IPO11: variants seen among roughly 807,000 people sequenced by gnomAD.
IPO11 encodes importin-11.
A neutral mutation model predicts 143.2 loss-of-function variants in IPO11; 66 were observed. The ratio of observed to expected loss-of-function variants is 0.46; its 90% CI spans 0.38 to 0.57. The LOEUF (loss-of-function observed/expected upper bound fraction) is 0.57, where lower values mean the gene tolerates loss of function less well. IPO11 is among the 20% of genes least tolerant of loss of function. The probability of loss-of-function intolerance (pLI) is 0.00; values close to 1 mark genes in which losing one functional copy is unlikely to be tolerated. For synonymous variants in IPO11, 385 were observed against 377.8 expected (o/e 1.02, Z -0.22); for missense variants, 1,026 against 1,141.0 (o/e 0.90, Z 1.45).
intron 20 of IPO11, among the ~76,000 whole-genome samples, chr5:62,522,772 C>A (rs1359634605): frequency 6.6e-6 from 1 of 152,182 alleles, no homozygotes; most frequent in Non-Finnish European, 1.5e-5. Context: ...TGTCTTGAAA[C>A]CATCTGTTTT....
chr5:62,594,658 T>G (rs1398342259), intron 28 of IPO11, among the ~76,000 whole-genome samples: 1 of 152,186 alleles, frequency 6.6e-6, no homozygotes, highest in Non-Finnish European at 1.5e-5. Flanking sequence ...CTCAGTCAAG[T>G]TGACACAAAA....
chr5:62,586,291 AAT>A, intron 27 of IPO11, among the ~76,000 whole-genome samples: 1 of 152,260 alleles, frequency 6.6e-6, no homozygotes, highest in South Asian at 2.1e-4. Context: ...TTCATGATAC[AAT>A]GTTATTCAAA....
chr5:62,522,504 C>G (rs1333469791), intron 20 of IPO11, among the ~76,000 whole-genome samples: 3 of 152,150 alleles, frequency 2.0e-5, no homozygotes, highest in Non-Finnish European at 4.4e-5. Flanking sequence ...GGGCTAGTCT[C>G]AAACTCCTGA....
At chr5:62,484,552 T>G (rs901323427) in intron 11 of IPO11, among the ~76,000 whole-genome samples, 14 of 148,728 alleles carry the variant, frequency 9.4e-5, no homozygotes, top group African/African-American at 3.2e-4. Context: ...GATGAATAGT[T>G]TTTTTTTTTT....
In IPO11 at chr5:62,459,485, T is replaced by C. The variant is rs145280252; in HGVS notation, c.516+7552T>C. On this transcript the variant is annotated intron_variant, in intron 5 of 29. Transcript: ENST00000325324. ...TAGATCTTGTACCTACTAAAGCTTC[T>C]GGCTTGATACATTTTGGTAATTTAA... 9.2e-5 allele frequency among the ~76,000 whole-genome samples: 14 copies of C among 152,256 alleles called. No homozygotes were observed. In the East Asian group the frequency reaches 2.5e-3, roughly 27 times the overall value.
At chr5:62,485,368 T>TGA in intron 11 of IPO11, 51 bp from the exon 12 acceptor site, 3 of 1,442,284 alleles carry the variant, frequency 2.1e-6, no homozygotes, top group Non-Finnish European at 2.9e-6. Flanking sequence ...AAATCTTTGT[T>TGA]TTCTAAACCA....
chr5:62,579,729 G>T (rs1368606873), intron 27 of IPO11: 1 of 1,547,976 alleles, frequency 6.5e-7, no homozygotes, highest in Non-Finnish European at 8.7e-7. Flanking sequence ...CTAACATTCT[G>T]TATGTATATC....
At chr5:62,552,466 T>A (rs1449471633) in intron 26 of IPO11, among the ~76,000 whole-genome samples, 1 of 149,630 alleles carries the variant, frequency 6.7e-6, no homozygotes, top group Non-Finnish European at 1.5e-5. Context: ...GTAATATATA[T>A]TTTTTAGTTT....
At chr5:62,441,114 A>C (rs1038304466) in intron 2 of IPO11, among the ~76,000 whole-genome samples, 2 of 152,112 alleles carry the variant, frequency 1.3e-5, no homozygotes, top group African/African-American at 4.8e-5. Context: ...TATAGTCATT[A>C]TTATTATTTG....
In IPO11 at chr5:62,627,805, TA is replaced by T. The variant is rs1250518938; in HGVS notation, c.*490del. 1.3e-5 allele frequency: 2 copies of T among 152,636 alleles called. No homozygotes were observed. Among genetic ancestry groups the T allele is most frequent in the African/African-American group, 4.8e-5 (2 of 41,436 alleles). 9.5% of individuals were successfully genotyped at this position (152,636 alleles called of 1,614,324 possible). Reference sequence around the variant, plus strand: ...AATGTGTGTACTAAGCAAAAATATATAAATAGTGACAAATACACATTACCAA... The same window carrying T: ...AATGTGTGTACTAAGCAAAAATATATAATAGTGACAAATACACATTACCAA... On this transcript the variant is annotated 3_prime_UTR_variant, in exon 30 of 30. Coordinates refer to ENST00000325324, the MANE Select transcript of IPO11 (RefSeq NM_016338.5).
At chr5:62,423,665 G>A (rs1393478944) in intron 1 of IPO11, among the ~76,000 whole-genome samples, 1 of 152,084 alleles carries the variant, frequency 6.6e-6, no homozygotes, top group Non-Finnish European at 1.5e-5. Flanking sequence ...ACTTCATTTC[G>A]TCTTACCTCC....
At position 62,628,074 on chromosome 5, in the gene IPO11, C is replaced by G. The variant is rs752379380; in HGVS notation, c.*756C>G. On this transcript the variant is annotated 3_prime_UTR_variant, in exon 30 of 30. Coordinates refer to ENST00000325324, the MANE Select transcript of IPO11 (RefSeq NM_016338.5). ...TGGTTTAGTCCTAGTTCCTTTGTTA[C>G]TCCTGTGAGCACCGAGAAGAACTGG... 5 of 152,012 alleles carry G rather than the reference C, an allele frequency of 3.3e-5. No homozygotes were observed. The highest frequency in any genetic ancestry group is 7.3e-5 in the African/African-American group (3 of 41,376). 9.4% of individuals were successfully genotyped at this position (152,012 alleles called of 1,614,324 possible).
chr5:62,538,987 C>T (rs1023199190), intron 24 of IPO11, among the ~76,000 whole-genome samples: 4 of 152,052 alleles, frequency 2.6e-5, no homozygotes, highest in South Asian at 2.1e-4. Context: ...ACATTTAAAA[C>T]GTATTTTTGT....
intron 1 of IPO11, among the ~76,000 whole-genome samples, chr5:62,424,572 C>T (rs971119436): frequency 6.6e-6 from 1 of 151,680 alleles, no homozygotes. Context: ...CATGCCACCA[C>T]ACCTGGCTAA....
In IPO11 at chr5:62,541,687, A is replaced by C. The variant is rs535038988; in HGVS notation, c.2250+4398A>C. On this transcript the variant is annotated intron_variant, in intron 24 of 29. Coordinates refer to ENST00000325324, the MANE Select transcript of IPO11 (RefSeq NM_016338.5). Reference sequence around the variant, plus strand: ...TAGAGTGAGACCCTGTTTCAAAAAAAAAAAGAAGAAAATTAATTGTATTTT... The same window carrying C: ...TAGAGTGAGACCCTGTTTCAAAAAACAAAAGAAGAAAATTAATTGTATTTT... Among the ~76,000 whole-genome samples the C allele has an allele frequency of 8.3e-4, 126 of 152,284 alleles. 1 individual carries two copies. Among genetic ancestry groups the C allele is most frequent in the Non-Finnish European group, 2.9e-4 (20 of 68,020 alleles).
At chr5:62,508,424 A>G (rs1486007253) in intron 19 of IPO11, among the ~76,000 whole-genome samples, 2 of 152,052 alleles carry the variant, frequency 1.3e-5, no homozygotes, top group South Asian at 2.1e-4. Flanking sequence ...CTGGGATTAC[A>G]GATGAGAACC....
chr5:62,580,281 G>T, intron 27 of IPO11: 1 of 1,538,648 alleles, frequency 6.5e-7, no homozygotes, highest in South Asian at 1.2e-5. Flanking sequence ...TTAAACATTT[G>T]ATCTTAAGTC....
intron 27 of IPO11, among the ~76,000 whole-genome samples, chr5:62,577,078 A>T (rs1465725878): frequency 6.6e-6 from 1 of 152,194 alleles, no homozygotes; most frequent in Non-Finnish European, 1.5e-5. Flanking sequence ...AACATTAGTA[A>T]TCAGAAAAGG....
intron 27 of IPO11, among the ~76,000 whole-genome samples, chr5:62,589,244 C>A (rs1231771429): frequency 6.6e-6 from 1 of 152,184 alleles, no homozygotes; most frequent in African/African-American, 2.4e-5. Flanking sequence ...TTGTTTCCCT[C>A]CCTGGACAAG....
Sources: gnomAD v4.1 joint callset for allele counts (sites outside exome capture counted in the v4.1 genomes callset) on GRCh38, gnomAD v4.1.1 for gene constraint, MANE v1.5 for transcripts, NCBI Gene and HGNC (gene_info 2026-07-23, HGNC 2026-07-21) for gene names.